MCM3: variants seen among roughly 807,000 people sequenced by gnomAD.
The protein encoded by MCM3 is minichromosome maintenance complex component 3, also known as DNA replication licensing factor MCM3.
MCM3 carries 59 observed loss-of-function variants against 91.3 expected under a neutral mutation model. The observed-to-expected ratio is 0.65, with a 90% CI of 0.52 to 0.80. MCM3 has a LOEUF of 0.80. Ranked by LOEUF, MCM3 falls within the 30% of genes least tolerant of loss-of-function variation. The pLI is 0.00. For missense variants in MCM3, 919 were observed against 1,035.4 expected (o/e 0.89, Z 1.54); for synonymous variants, 383 against 379.6 (o/e 1.01, Z -0.10).
In MCM3 at chr6:52,284,721, C is replaced by T; in HGVS notation, c.-47G>A. 1 of 1,575,330 alleles carries T rather than the reference C, an allele frequency of 6.3e-7. No individual in the cohort carries two copies. The highest frequency in any genetic ancestry group is 8.6e-7 in the Non-Finnish European group (1 of 1,162,072). The stretch of plus-strand genomic sequence containing the variant: ...TCCACCAAAGTCGCGTGGAGGTTCC[C>T]AGGATGACTCCACCCCGGCGCGAAA... On this transcript the variant is annotated 5_prime_UTR_variant, in exon 1 of 17. Coordinates refer to ENST00000596288, the MANE Select transcript of MCM3 (RefSeq NM_002388.6).
intron 5 of MCM3, among the ~76,000 whole-genome samples, 176 bp downstream of exon 5, chr6:52,279,184 AG>A (rs1237669831): frequency 1.2e-4 from 19 of 152,244 alleles, no homozygotes; most frequent in African/African-American, 4.6e-4. Context: ...ATGATGGTTA[AG>A]TATCACCAGC....
rs374376498 is a variant in MCM3, at chr6:52,282,722, C to T, written c.331G>A (p.Val111Ile). 2.9e-5 allele frequency: 46 copies of T among 1,614,020 alleles called. No homozygotes were observed. In the East Asian group the frequency reaches 8.0e-4, roughly 28 times the overall value. Residue 111 changes from valine (V) to isoleucine (I), a missense_variant, in exon 3 of 17, where the codon GTC (valine) becomes ATC (isoleucine). Coordinates refer to ENST00000596288, the MANE Select transcript of MCM3 (RefSeq NM_002388.6). The part of the protein sequence containing the change: ...GLEGSFGSKH[V>I]SPRTLTSCFL... Reference sequence around the variant, plus strand: ...CAGGAGGTAAGAGTCCGCGGGGAGACGTGCTTGGAGCCAAAGCTGCCTTCC... The same window carrying T: ...CAGGAGGTAAGAGTCCGCGGGGAGATGTGCTTGGAGCCAAAGCTGCCTTCC...
intron 11 of MCM3, 115 bp from the exon 12 acceptor site, chr6:52,272,566 A>AT: frequency 1.0e-6 from 1 of 991,184 alleles, no homozygotes; most frequent in African/African-American, 1.6e-5. Flanking sequence ...ACCCATTATC[A>AT]TAACTCCCAT....
chr6:52,264,887 C>G lies in MCM3; in HGVS notation c.2229-101G>C, dbSNP rs1023720687. The G allele has an allele frequency of 3.2e-6, 3 of 950,764 alleles. No individual in the cohort carries two copies. The East Asian group carries it at 7.4e-5, about 24-fold the overall frequency. 58.9% of individuals were successfully genotyped at this position (950,764 alleles called of 1,614,324 possible). The stretch of plus-strand genomic sequence containing the variant: ...ATCCATAGTATTAATACAGTAGAGG[C>G]GTCCCCTCAATATTCTTTCTCACAC... On this transcript the variant is annotated intron_variant, in intron 16 of 16. Coordinates refer to ENST00000596288, the MANE Select transcript of MCM3 (RefSeq NM_002388.6).
chr6:52,272,617 T>C (rs1383917670), intron 11 of MCM3, among the ~76,000 whole-genome samples, 166 bp from the exon 12 acceptor site: 2 of 152,208 alleles, frequency 1.3e-5, no homozygotes, highest in Admixed American at 1.3e-4. Flanking sequence ...ATATTTTTAT[T>C]TAATTATTAC....
intron 7 of MCM3, 63 bp downstream of exon 7, chr6:52,277,472 A>G (rs1338222286): frequency 2.0e-6 from 3 of 1,489,244 alleles, no homozygotes; most frequent in East Asian, 2.3e-5. Context: ...AATCTTACAT[A>G]TTATAGGTCT....
intron 1 of MCM3, among the ~76,000 whole-genome samples, chr6:52,283,742 TGTTAA>T (rs1428615956): frequency 6.6e-6 from 1 of 152,232 alleles, no homozygotes; most frequent in Admixed American, 6.5e-5. Flanking sequence ...GTGCAAACTT[TGTTAA>T]AATGTTAAGT....
Position 52,266,598 on chromosome 6 carries a change from T to C in MCM3, c.2158+13A>G, listed in dbSNP as rs896033779. 38 of 1,610,528 alleles carry C rather than the reference T, an allele frequency of 2.4e-5. No individual in the cohort carries two copies. Among genetic ancestry groups the C allele is most frequent in the Non-Finnish European group, 3.2e-5 (38 of 1,176,884 alleles). On this transcript the variant is annotated intron_variant, in intron 15 of 16. Transcript: ENST00000596288. ...AGGAACAACCTCTTTCATCAGTAAG[T>C]GGGCTCACTCACCTTGAGGCATTTC...
In MCM3 at chr6:52,264,427, G is replaced by C. The variant is rs1241485056; in HGVS notation, c.*161C>G. ...CAGCTTTCATGACCCATTCCCAAAG[G>C]GTCCACCGAGTCCTGAACTCAGCTT... On this transcript the variant is annotated 3_prime_UTR_variant, in exon 17 of 17. Coordinates refer to ENST00000596288, the MANE Select transcript of MCM3 (RefSeq NM_002388.6). 2.4e-5 allele frequency: 17 copies of C among 704,944 alleles called. No individual in the cohort carries two copies. The highest frequency in any genetic ancestry group is 3.8e-5 in the Non-Finnish European group (16 of 423,742). The allele number at this position is 704,944 out of a possible 1,614,324, so 43.7% of individuals were successfully genotyped here. A position where few individuals can be genotyped will look rare whatever the true frequency, so the allele number is the denominator to read the frequency against.
At chr6:52,279,675 A>G (rs1427686829) in intron 4 of MCM3, 76 bp from the exon 5 acceptor site, 2 of 1,065,912 alleles carry the variant, frequency 1.9e-6, no homozygotes, top group African/African-American at 1.6e-5. Flanking sequence ...GTCATGGCAA[A>G]TAAGATGACT....
intron 12 of MCM3, among the ~76,000 whole-genome samples, chr6:52,270,415 G>A (rs547136387): frequency 1.1e-4 from 16 of 151,458 alleles, no homozygotes; most frequent in Non-Finnish European, 1.9e-4. Flanking sequence ...CATCACTGAC[G>A]TATCCTGGTC....
chr6:52,265,065 C>A (rs11965530), intron 16 of MCM3, among the ~76,000 whole-genome samples: 11,777 of 152,234 alleles, frequency 0.077, 586 homozygotes, highest in East Asian at 0.14. Flanking sequence ...ACTTACTAAA[C>A]CCTTAAAAGC....
chr6:52,282,416 G>A (rs1332868093), intron 3 of MCM3, among the ~76,000 whole-genome samples: 1 of 152,128 alleles, frequency 6.6e-6, no homozygotes. Context: ...GTTGGAATTA[G>A]AGATTGCCAG....
chr6:52,274,945 T>C (rs1400698944), intron 9 of MCM3, among the ~76,000 whole-genome samples: 4 of 152,152 alleles, frequency 2.6e-5, no homozygotes, highest in African/African-American at 9.7e-5. Flanking sequence ...TATTTTACTT[T>C]TAAAGATGAG....
At chr6:52,283,159 A>T in intron 2 of MCM3, 135 bp downstream of exon 2, 2 of 628,434 alleles carry the variant, frequency 3.2e-6, no homozygotes, top group Admixed American at 3.4e-5. Flanking sequence ...AAAAAAAAAT[A>T]GGTGCAGGTG....
In MCM3 at chr6:52,264,739, T is replaced by C. The variant is rs1274288187; in HGVS notation, c.2276A>G (p.His759Arg). ...VALLDVFREA[H>R]AQSIGMNRLT... is the part of the protein sequence containing the mutation. ...GCGATTCATGCCGATTGACTGCGCA[T>C]GAGCTTCCCGGAACACATCCAAGAG... Residue 759 changes from histidine to arginine, a missense_variant, in exon 17 of 17, where the codon CAT becomes CGT. Around this residue, in one of 3 missense-constraint regions of MCM3, gnomAD observed 285 missense variants for 311.4 expected, o/e 0.92. Transcript: ENST00000596288. 1.2e-6 allele frequency: 2 copies of C among 1,614,164 alleles called. No homozygotes were observed. The highest frequency in any genetic ancestry group is 1.7e-6 in the Non-Finnish European group (2 of 1,180,034).
At chr6:52,268,189 T>C (rs1420911542) in intron 13 of MCM3, among the ~76,000 whole-genome samples, 2 of 152,240 alleles carry the variant, frequency 1.3e-5, no homozygotes, top group Non-Finnish European at 2.9e-5. Context: ...GCTGTTTATA[T>C]AGTAGGTACT....
intron 12 of MCM3, among the ~76,000 whole-genome samples, chr6:52,271,707 G>A (rs1176087882): frequency 1.3e-5 from 2 of 152,130 alleles, no homozygotes; most frequent in Non-Finnish European, 2.9e-5. Flanking sequence ...ACCTATATTA[G>A]GTTACCAGAA....
chr6:52,271,927 C>T (rs1445061161), intron 12 of MCM3, among the ~76,000 whole-genome samples: 2 of 151,888 alleles, frequency 1.3e-5, no homozygotes, highest in South Asian at 2.1e-4. Flanking sequence ...TAAATATGTA[C>T]GGAAGTCTTT....
Sources: gnomAD v4.1 joint callset for allele counts (sites outside exome capture counted in the v4.1 genomes callset) on GRCh38, gnomAD v4.1.1 for gene constraint, gnomAD v4.1.1 regional missense constraint, MANE v1.5 for transcripts, NCBI Gene and HGNC (gene_info 2026-07-23, HGNC 2026-07-21) for gene names.